The following RFX2 variants were observed in gnomAD, a reference collection of about 807,000 sequenced individuals.
RFX2 encodes DNA-binding protein RFX2.
In RFX2, 20 loss-of-function variants were observed where a neutral mutation model predicts 87.8. The observed-to-expected ratio is 0.23, with a 90% CI of 0.16 to 0.33. The LOEUF (loss-of-function observed/expected upper bound fraction) is 0.33, where lower values mean the gene tolerates loss of function less well. Ranked by LOEUF, RFX2 falls within the 10% of genes least tolerant of loss-of-function variation. The pLI, the probability that RFX2 is intolerant of heterozygous loss-of-function variation, is 1.00. For synonymous variants in RFX2, 397 were observed against 431.3 expected, an observed-to-expected ratio of 0.92 and a Z score of 0.98; for missense variants, 767 against 1,012.3, an observed-to-expected ratio of 0.76 and a Z score of 3.29.
rs1315350381 is a variant in RFX2 at position 6,045,514 on chromosome 19, C to T, written c.91-1232G>A. ...GCCACAACTGCTGGCAGGGCGACGG[C>T]GTCTGATCCTCACCTCAGATGGGCT... On this transcript the variant is annotated intron_variant, in intron 2 of 17. Coordinates refer to ENST00000303657, the MANE Select transcript of RFX2 (RefSeq NM_000635.4). The surrounding 1 kb of genome is among the most constrained non-coding windows in gnomAD (Gnocchi z 5.2). Among the ~76,000 whole-genome samples, 3 of 152,184 alleles carry T rather than the reference C, an allele frequency of 2.0e-5. No individual in the cohort carries two copies. Among genetic ancestry groups the T allele is most frequent in the East Asian group, 1.9e-4 (1 of 5,184 alleles).
chr19:6,063,990 C>T lies in RFX2; in HGVS notation c.-8-16486G>A, dbSNP rs1172687942. Among the ~76,000 whole-genome samples, 1 of 152,230 alleles carries T rather than the reference C, an allele frequency of 6.6e-6. No individual in the cohort carries two copies. Among genetic ancestry groups the T allele is most frequent in the Non-Finnish European group, 1.5e-5 (1 of 68,046 alleles). ...CCGTGCTTGTCCCCTCAGATTACTT[C>T]ATGTCATGCAGCTGTTCACATCTGG... On this transcript the variant is annotated intron_variant, in intron 1 of 17. Coordinates refer to ENST00000303657, the MANE Select transcript of RFX2 (RefSeq NM_000635.4). This position sits in a 1 kb window ranked among gnomAD's most constrained non-coding sequence, Gnocchi z 4.0.
rs2086548228 is a variant in RFX2, at chr19:6,004,421, A to G, written c.1403-123T>C. ...ATGACCACCATGAAGAACGAGCCACACAGGCGACGGGGAACCGAGGACACT... is the reference window on the plus strand; with the variant it reads ...ATGACCACCATGAAGAACGAGCCACGCAGGCGACGGGGAACCGAGGACACT... On this transcript the variant is annotated intron_variant, in intron 12 of 17. Transcript: ENST00000303657. The surrounding 1 kb of genome is among the most constrained non-coding windows in gnomAD (Gnocchi z 4.8). 1 of 793,398 alleles carries G rather than the reference A, an allele frequency of 1.3e-6. No homozygotes were observed. The highest frequency in any genetic ancestry group is 1.7e-5 in the African/African-American group (1 of 59,196). 49.1% of individuals were successfully genotyped at this position (793,398 alleles called of 1,614,324 possible). A position where few individuals can be genotyped will look rare whatever the true frequency, so the allele number is the denominator to read the frequency against.
intron 1 of RFX2, among the ~76,000 whole-genome samples, chr19:6,091,497 AAAG>A (rs970288109): frequency 2.6e-5 from 4 of 152,194 alleles, no homozygotes; most frequent in Non-Finnish European, 1.5e-5. Context: ...ACAATTGAAA[AAAG>A]AAGATGACGC....
Position 5,997,117 on chromosome 19 carries a change from C to A in RFX2, c.1956G>T (p.Leu652=), listed in dbSNP as rs773633075. Residue 652 remains leucine, a synonymous_variant, in exon 16 of 18, where the codon CTG becomes CTT. Transcript: ENST00000303657. This position sits in a 1 kb window ranked among gnomAD's most constrained non-coding sequence, Gnocchi z 4.2. ...TGGCCTCCGCGACGCGGTGCTCCACCAGGTAGAACATGTACTCGTCGTAGA... is the reference window on the plus strand; with the variant it reads ...TGGCCTCCGCGACGCGGTGCTCCACAAGGTAGAACATGTACTCGTCGTAGA... The part of the protein sequence containing the change: ...RLLYDEYMFY[L]VEHRVAEATG... 1 of 1,613,714 alleles carries A rather than the reference C, an allele frequency of 6.2e-7. No individual in the cohort carries two copies. The highest frequency in any genetic ancestry group is 1.3e-5 in the African/African-American group (1 of 75,062).
At chr19:6,103,238 C>G (rs529106625) in intron 1 of RFX2, among the ~76,000 whole-genome samples, 1 of 152,246 alleles carries the variant, frequency 6.6e-6, no homozygotes, top group Admixed American at 6.5e-5. Context: ...AATCTATCTG[C>G]TTTATGTATC....
Position 6,024,363 on chromosome 19 carries a change from G to T in RFX2, c.597+1800C>A, listed in dbSNP as rs2086858231. ...TCTCCCTGAGTTCATCTACAGGGAG[G>T]ATGTCATCCAGCAGTGACAGATGAC... is the stretch of plus-strand genomic sequence containing the variant. On this transcript the variant is annotated intron_variant, in intron 6 of 17. Coordinates refer to ENST00000303657, the MANE Select transcript of RFX2 (RefSeq NM_000635.4). The surrounding 1 kb of genome is among the most constrained non-coding windows in gnomAD (Gnocchi z 5.0). 6.6e-6 allele frequency among the ~76,000 whole-genome samples: 1 copy of T among 152,296 alleles called. No homozygotes were observed. Among genetic ancestry groups the T allele is most frequent in the Admixed American group, 6.5e-5 (1 of 15,298 alleles).
Position 6,016,858 on chromosome 19 carries a change from C to T in RFX2, c.598-587G>A, listed in dbSNP as rs575891051. On this transcript the variant is annotated intron_variant, in intron 6 of 17. Transcript: ENST00000303657. The surrounding 1 kb of genome is among the most constrained non-coding windows in gnomAD (Gnocchi z 5.4). ...GGAACTATTAGCTTCTGTCTTCAGT[C>T]CCTTAAATGAAATACCCACACACCA... Among the ~76,000 whole-genome samples the T allele has an allele frequency of 6.6e-6, 1 of 152,260 alleles. No homozygotes were observed. The highest frequency in any genetic ancestry group is 1.5e-5 in the Non-Finnish European group (1 of 68,016).
rs1284993374 is a variant in RFX2 at position 5,998,336 on chromosome 19, CT to C, written c.1860-1124del. Among the ~76,000 whole-genome samples the C allele has an allele frequency of 6.6e-6, 1 of 152,176 alleles. No individual in the cohort carries two copies. The highest frequency in any genetic ancestry group is 2.4e-5 in the African/African-American group (1 of 41,430). On this transcript the variant is annotated intron_variant, in intron 15 of 17. Transcript: ENST00000303657. This position sits in a 1 kb window ranked among gnomAD's most constrained non-coding sequence, Gnocchi z 4.2. The stretch of plus-strand genomic sequence containing the variant: ...AAAAAAGAATGAAGTGGAACAATGT[CT>C]CAGTCCTCCTATAAGACCTAAAGGA...
chr19:6,019,941 G>A (rs2086787243), intron 6 of RFX2: 1 of 152,324 alleles, frequency 6.6e-6, no homozygotes, highest in Non-Finnish European at 1.5e-5. Context: ...ACTGTCCAAG[G>A]AGGTAGATGG....
At position 6,034,751 on chromosome 19, in the gene RFX2, C is replaced by T. The variant is rs781006296; in HGVS notation, c.522+5229G>A. Among the ~76,000 whole-genome samples, 11 of 152,274 alleles carry T rather than the reference C, an allele frequency of 7.2e-5. No homozygotes were observed. In the East Asian group the frequency reaches 1.4e-3, roughly 19 times the overall value. On this transcript the variant is annotated intron_variant, in intron 5 of 17. Coordinates refer to ENST00000303657, the MANE Select transcript of RFX2 (RefSeq NM_000635.4). Reference sequence around the variant, plus strand: ...GATTCTGTCATGAGCTGTGCCACTGCGTGGAGGTGCCATGGGCCTCTGCGA... The same window carrying T: ...GATTCTGTCATGAGCTGTGCCACTGTGTGGAGGTGCCATGGGCCTCTGCGA...
At chr19:6,091,751 G>A (rs2087938983) in intron 1 of RFX2, among the ~76,000 whole-genome samples, 1 of 152,244 alleles carries the variant, frequency 6.6e-6, no homozygotes, top group South Asian at 2.1e-4. Context: ...TGATGGGAGA[G>A]AAGTAGGTGT....
intron 1 of RFX2, among the ~76,000 whole-genome samples, chr19:6,066,466 A>C (rs2087514231): frequency 6.6e-6 from 1 of 152,172 alleles, no homozygotes; most frequent in Admixed American, 6.5e-5. Flanking sequence ...GATGTACGGT[A>C]GTAGGTTGGA....
At chr19:6,080,338 T>C (rs1322511993) in intron 1 of RFX2, among the ~76,000 whole-genome samples, 2 of 152,192 alleles carry the variant, frequency 1.3e-5, no homozygotes, top group Non-Finnish European at 2.9e-5. Flanking sequence ...ATCCTCCCAC[T>C]TTGGCCTCCC....
At chr19:6,049,686 G>A (rs755852546) in intron 1 of RFX2, among the ~76,000 whole-genome samples, 23 of 152,162 alleles carry the variant, frequency 1.5e-4, no homozygotes, top group Non-Finnish European at 2.9e-4. Flanking sequence ...CCACCATCAT[G>A]CCTGGCTAAT....
At chr19:6,057,768 T>C (rs1448348971) in intron 1 of RFX2, among the ~76,000 whole-genome samples, 1 of 152,018 alleles carries the variant, frequency 6.6e-6, no homozygotes, top group Non-Finnish European at 1.5e-5. Flanking sequence ...CTCTCAGGAG[T>C]ACCAGTTGCT....
intron 1 of RFX2, among the ~76,000 whole-genome samples, chr19:6,106,017 G>C (rs2088211155): frequency 6.6e-6 from 1 of 152,080 alleles, no homozygotes; most frequent in Non-Finnish European, 1.5e-5. Context: ...AGCTTCCCAG[G>C]CTCCAGTTCC....
chr19:6,095,600 G>A (rs1245341283), intron 1 of RFX2, among the ~76,000 whole-genome samples: 1 of 152,090 alleles, frequency 6.6e-6, no homozygotes, highest in Non-Finnish European at 1.5e-5. Flanking sequence ...ATCAGGCAGA[G>A]GTGTAAACAA....
chr19:6,035,078 T>C (rs2087003119), intron 5 of RFX2, among the ~76,000 whole-genome samples: 1 of 152,126 alleles, frequency 6.6e-6, no homozygotes, highest in Non-Finnish European at 1.5e-5. Flanking sequence ...AGATTTAAAC[T>C]AATAAAATGA....
At chr19:6,058,655 G>A (rs927662375) in intron 1 of RFX2, among the ~76,000 whole-genome samples, 4 of 151,724 alleles carry the variant, frequency 2.6e-5, no homozygotes, top group Non-Finnish European at 4.4e-5. Context: ...AGCTGGCTCC[G>A]AGCTTCTCTG....
Sources: allele counts gnomAD v4.1 joint callset (sites outside exome capture counted in the v4.1 genomes callset), GRCh38; gene constraint gnomAD v4.1.1; non-coding constraint Gnocchi (gnomAD v3.1); transcripts MANE v1.5; gene names NCBI Gene and HGNC (gene_info 2026-07-23, HGNC 2026-07-21).